Variants in PRELID2 observed in about 807,000 individuals in gnomAD.
PRELID2 encodes PRELI domain-containing protein 2.
Under a neutral mutation model 28.4 loss-of-function variants are expected in PRELID2, and 25 were observed. That is an observed-to-expected ratio of 0.88 (90% CI 0.64 to 1.23). PRELID2 has a LOEUF of 1.23. Ranked by LOEUF, PRELID2 falls within the 50% of genes most tolerant of loss-of-function variation. The pLI is 0.00. For missense variants in PRELID2, 201 were observed against 214.4 expected, an observed-to-expected ratio of 0.94 and a Z score of 0.39; for synonymous variants, 76 against 71.6, an observed-to-expected ratio of 1.06 and a Z score of -0.31.
At chr5:145,492,157 T>G (rs941469969) in intron 1 of PRELID2, among the ~76,000 whole-genome samples, 1 of 152,214 alleles carries the variant, frequency 6.6e-6, no homozygotes, top group Admixed American at 6.5e-5. Context: ...CCACCAACAG[T>G]GTGCAAGGGT....
chr5:145,808,336 G>A (rs547139266), intron 4 of PRELID2, among the ~76,000 whole-genome samples: 21 of 151,872 alleles, frequency 1.4e-4, no homozygotes, highest in Non-Finnish European at 2.8e-4. Context: ...CCAGACTACC[G>A]AATTTACTCA....
intron 1 of PRELID2, among the ~76,000 whole-genome samples, chr5:145,666,661 C>T (rs1754601953): frequency 6.6e-6 from 1 of 151,988 alleles, no homozygotes; most frequent in African/African-American, 2.4e-5. Flanking sequence ...TGTAGTAACT[C>T]CATTTAGTCA....
chr5:145,411,415 A>G, the PRELID2 span, among the ~76,000 whole-genome samples: 28 of 152,362 alleles, frequency 1.8e-4, no homozygotes, highest in South Asian at 2.7e-3. Context: ...GGACACAGTC[A>G]AACAATATCT....
the PRELID2 span, among the ~76,000 whole-genome samples, chr5:145,364,268 G>T: frequency 6.6e-6 from 1 of 151,922 alleles, no homozygotes; most frequent in African/African-American, 2.4e-5. Context: ...TAAGTTTCCG[G>T]ATTCTGATGA....
At chr5:145,372,166 A>G in the PRELID2 span, among the ~76,000 whole-genome samples, 1 of 152,104 alleles carries the variant, frequency 6.6e-6, no homozygotes, top group East Asian at 1.9e-4. Flanking sequence ...ATTGGTATCA[A>G]AGAACTTACT....
intron 1 of PRELID2, among the ~76,000 whole-genome samples, chr5:145,738,963 A>G (rs1005047193): frequency 6.6e-6 from 1 of 152,208 alleles, no homozygotes; most frequent in African/African-American, 2.4e-5. Context: ...CACTTTTCCT[A>G]TAAGGGAAAA....
At chr5:145,230,728 G>A in the PRELID2 span, among the ~76,000 whole-genome samples, 2 of 152,190 alleles carry the variant, frequency 1.3e-5, no homozygotes, top group Non-Finnish European at 2.9e-5. Flanking sequence ...AAATTCAGGA[G>A]CTGCTTAAAT....
the PRELID2 span, among the ~76,000 whole-genome samples, chr5:145,454,341 C>A: frequency 3.0e-4 from 46 of 152,270 alleles, no homozygotes; most frequent in African/African-American, 8.9e-4. Flanking sequence ...TGGGAAAAAA[C>A]TGGAAGCATT....
chr5:145,421,219 C>T, the PRELID2 span, among the ~76,000 whole-genome samples: 1 of 148,864 alleles, frequency 6.7e-6, no homozygotes, highest in Non-Finnish European at 1.5e-5. Flanking sequence ...CTCTGCCTGG[C>T]TTTGGTATCA....
At chr5:145,262,383 A>G in the PRELID2 span, among the ~76,000 whole-genome samples, 4 of 152,268 alleles carry the variant, frequency 2.6e-5, no homozygotes, top group East Asian at 3.9e-4. Flanking sequence ...GCACATAGTC[A>G]TCAGGTTATC....
chr5:145,289,321 T>G, the PRELID2 span, among the ~76,000 whole-genome samples: 1 of 152,294 alleles, frequency 6.6e-6, no homozygotes, highest in East Asian at 1.9e-4. Context: ...GCTTTTCCTT[T>G]TCCAGAATAT....
intron 1 of PRELID2, among the ~76,000 whole-genome samples, chr5:145,666,976 G>T (rs1299643560): frequency 6.6e-6 from 1 of 151,980 alleles, no homozygotes; most frequent in Non-Finnish European, 1.5e-5. Flanking sequence ...AAAAGATAAG[G>T]GAGTTAAAAT....
At chr5:145,681,591 T>G (rs1754937094) in intron 1 of PRELID2, among the ~76,000 whole-genome samples, 1 of 152,192 alleles carries the variant, frequency 6.6e-6, no homozygotes, top group Admixed American at 6.5e-5. Flanking sequence ...CTGGATTATG[T>G]GTAAGTGAAG....
At chr5:145,438,510 A>G in the PRELID2 span, among the ~76,000 whole-genome samples, 1 of 152,128 alleles carries the variant, frequency 6.6e-6, no homozygotes, top group Admixed American at 6.6e-5. Flanking sequence ...TTTGGGGATT[A>G]TCTCACTATT....
intron 1 of PRELID2, among the ~76,000 whole-genome samples, chr5:145,737,547 C>T (rs975388894): frequency 6.6e-6 from 1 of 152,144 alleles, no homozygotes; most frequent in African/African-American, 2.4e-5. Flanking sequence ...TTTTGCCTCA[C>T]ATATCCCAGG....
At chr5:145,644,217 G>A (rs910919231) in intron 1 of PRELID2, among the ~76,000 whole-genome samples, 12 of 151,948 alleles carry the variant, frequency 7.9e-5, no homozygotes, top group South Asian at 2.1e-4. Context: ...TTAAGGATTC[G>A]ACTCCTTCCT....
chr5:145,229,915 T>A, the PRELID2 span: 2 of 750,544 alleles, frequency 2.7e-6, no homozygotes, highest in Non-Finnish European at 4.9e-6. Flanking sequence ...GAGTCCCCAC[T>A]GTCTCTCTAC....
At chr5:145,785,531 G>C (rs1751939360) in intron 5 of PRELID2, among the ~76,000 whole-genome samples, 1 of 152,142 alleles carries the variant, frequency 6.6e-6, no homozygotes, top group South Asian at 2.1e-4. Context: ...CCTAATGCAG[G>C]CCTCACATGC....
chr5:145,507,236 C>A (rs1752419921), intron 1 of PRELID2, among the ~76,000 whole-genome samples: 1 of 151,706 alleles, frequency 6.6e-6, no homozygotes. Context: ...GTGGGAGGGT[C>A]AGGGAGGAAG....
Sources: allele counts gnomAD v4.1 joint callset (sites outside exome capture counted in the v4.1 genomes callset), GRCh38; gene constraint gnomAD v4.1.1; transcripts MANE v1.5; gene names NCBI Gene and HGNC (gene_info 2026-07-23, HGNC 2026-07-21).